The following GSAP variants were observed in gnomAD, a reference collection of about 807,000 sequenced individuals.
The protein encoded by GSAP is gamma-secretase activating protein.
In GSAP, 118 loss-of-function variants were observed where a neutral mutation model predicts 131.7. That is an observed-to-expected ratio of 0.90 (90% CI 0.77 to 1.04). The LOEUF is 1.04. GSAP is among the 50% of genes least tolerant of loss of function. The probability of loss-of-function intolerance (pLI) is 0.00; values close to 1 mark genes in which losing one functional copy is unlikely to be tolerated. For synonymous variants in GSAP, 381 were observed against 363.4 expected (o/e 1.05, Z -0.55); for missense variants, 1,019 against 1,013.2 (o/e 1.01, Z -0.08).
In GSAP at chr7:77,416,201, C is replaced by T; in HGVS notation, c.109+12G>A. ...CCCGCCCCCACCCCTCTCCGCAGCG[C>T]GCCTCCCGCACCTGCGCCGCCGCTT... On this transcript the variant is annotated intron_variant, in intron 1 of 30. Coordinates refer to ENST00000257626, the MANE Select transcript of GSAP (RefSeq NM_017439.4). The T allele has an allele frequency of 7.3e-7, 1 of 1,377,138 alleles. No individual in the cohort carries two copies. The highest frequency in any genetic ancestry group is 9.6e-7 in the Non-Finnish European group (1 of 1,047,020). The allele number at this position is 1,377,138 out of a possible 1,614,324, so 85.3% of individuals were successfully genotyped here.
chr7:77,396,747 T>C (rs912357033), intron 5 of GSAP, among the ~76,000 whole-genome samples: 5 of 152,186 alleles, frequency 3.3e-5, no homozygotes, highest in African/African-American at 1.2e-4. Flanking sequence ...AGGTACTAAT[T>C]ACCATCTTAA....
At chr7:77,370,833 G>A (rs1399203243) in intron 12 of GSAP, among the ~76,000 whole-genome samples, 2 of 151,360 alleles carry the variant, frequency 1.3e-5, no homozygotes, top group African/African-American at 4.9e-5. Flanking sequence ...TAGACACAGT[G>A]GACTCCACCT....
Position 77,387,432 on chromosome 7 carries a change from A to T in GSAP, c.384T>A (p.Thr128=). The T allele has an allele frequency of 6.3e-7, 1 of 1,588,966 alleles. No homozygotes were observed. The highest frequency in any genetic ancestry group is 1.3e-5 in the African/African-American group (1 of 74,602). The change falls in exon 6 of 31, where the codon ACT becomes ACA. Residue 128 remains threonine (T), a synonymous_variant. Coordinates refer to ENST00000257626, the MANE Select transcript of GSAP (RefSeq NM_017439.4). ...TAACAGGGTGGATTTCAACCAACAA[A>T]GTCAAGCACTTTGATCCTACAGAGA... ...NELQPGSKCL[T]LLVEIHPVNN... is the part of the protein sequence containing the mutation.
At chr7:77,328,378 G>A in intron 22 of GSAP, 1 of 1,279,350 alleles carries the variant, frequency 7.8e-7, no homozygotes, top group South Asian at 2.7e-5. Context: ...CATCACCCAG[G>A]GACTCCCATC....
At chr7:77,403,677 G>A (rs1330682865) in intron 3 of GSAP, among the ~76,000 whole-genome samples, 1 of 152,178 alleles carries the variant, frequency 6.6e-6, no homozygotes. Context: ...ATTATAGGAT[G>A]ACCTGGGAGT....
At chr7:77,330,064 G>T in intron 20 of GSAP, 175 bp downstream of exon 20, 1 of 646,602 alleles carries the variant, frequency 1.5e-6, no homozygotes, top group South Asian at 3.1e-5. Context: ...CTCCCTAGGA[G>T]AACAGAGATC....
chr7:77,411,714 C>A (rs1803316989), intron 1 of GSAP, among the ~76,000 whole-genome samples: 1 of 152,222 alleles, frequency 6.6e-6, no homozygotes, highest in South Asian at 2.1e-4. Context: ...AGAGGCAATA[C>A]AACTAAAGGA....
At chr7:77,375,514 G>T (rs1407777975) in intron 10 of GSAP, among the ~76,000 whole-genome samples, 1 of 152,112 alleles carries the variant, frequency 6.6e-6, no homozygotes, top group South Asian at 2.1e-4. Flanking sequence ...TCTTGCAATG[G>T]CATAACAATC....
intron 19 of GSAP, among the ~76,000 whole-genome samples, chr7:77,341,994 G>A (rs1791001079): frequency 6.6e-6 from 1 of 152,166 alleles, no homozygotes; most frequent in African/African-American, 2.4e-5. Flanking sequence ...TGGCCACTGG[G>A]CCAAGGAATG....
intron 3 of GSAP, among the ~76,000 whole-genome samples, chr7:77,400,886 A>G (rs910791786): frequency 2.0e-5 from 3 of 152,182 alleles, no homozygotes; most frequent in Admixed American, 6.5e-5. Context: ...CAAGAAATAT[A>G]TAAAGAAAAA....
chr7:77,315,277 A>G (rs1794852679), intron 26 of GSAP: 1 of 152,248 alleles, frequency 6.6e-6, no homozygotes, highest in South Asian at 2.1e-4. Context: ...GAGCAGCCCT[A>G]GGCCAGAATC....
chr7:77,334,316 C>A (rs898968730), intron 19 of GSAP, among the ~76,000 whole-genome samples: 1 of 151,642 alleles, frequency 6.6e-6, no homozygotes, highest in Admixed American at 6.6e-5. Flanking sequence ...AGCAAACTAA[C>A]AAAGGAAGAG....
chr7:77,333,331 G>A (rs1337114236), intron 19 of GSAP, among the ~76,000 whole-genome samples: 4 of 152,148 alleles, frequency 2.6e-5, no homozygotes, highest in Admixed American at 2.6e-4. Context: ...ACTAGAAGAT[G>A]GATTCGGGGC....
chr7:77,350,572 T>TAAAAA (rs368824065), intron 18 of GSAP, among the ~76,000 whole-genome samples: 1 of 121,272 alleles, frequency 8.2e-6, no homozygotes. Flanking sequence ...CCCGCTCTAC[T>TAAAAA]AAAAAAAAAA....
chr7:77,394,179 T>C (rs1438791893), intron 5 of GSAP, among the ~76,000 whole-genome samples: 1 of 152,190 alleles, frequency 6.6e-6, no homozygotes, highest in Middle Eastern at 3.2e-3. Context: ...TCTCTTCCAA[T>C]TTTACTAGGA....
chr7:77,330,071 G>A (rs1242851852), intron 20 of GSAP, 168 bp downstream of exon 20: 1 of 716,674 alleles, frequency 1.4e-6, no homozygotes, highest in East Asian at 3.1e-5. Flanking sequence ...GGAGAACAGA[G>A]ATCATAGAAG....
chr7:77,416,421 C>T (rs1804488441), upstream of GSAP: 3 of 556,602 alleles, frequency 5.4e-6, no homozygotes, highest in Non-Finnish European at 9.1e-6. Flanking sequence ...CCCGCCCCCT[C>T]TTTCCTCTCC....
chr7:77,365,898 G>GTTTTTTTTTTTT, intron 12 of GSAP, among the ~76,000 whole-genome samples: 2 of 115,586 alleles, frequency 1.7e-5, no homozygotes, highest in Non-Finnish European at 3.5e-5. Context: ...GCAACTGTGG[G>GTTTTTTTTTTTT]TTTTTTTTTT....
chr7:77,312,011 G>A, intron 29 of GSAP, 71 bp from the exon 30 acceptor site: 1 of 1,189,678 alleles, frequency 8.4e-7, no homozygotes, highest in Middle Eastern at 1.9e-4. Context: ...AAAGTGATAA[G>A]AACTGTAATT....
Sources: gnomAD v4.1 joint callset for allele counts (sites outside exome capture counted in the v4.1 genomes callset) on GRCh38, gnomAD v4.1.1 for gene constraint, MANE v1.5 for transcripts, NCBI Gene and HGNC (gene_info 2026-07-23, HGNC 2026-07-21) for gene names.